Variants in GLRA3 observed in about 807,000 individuals in gnomAD.
GLRA3 encodes glycine receptor subunit alpha-3.
Under a neutral mutation model 60.4 loss-of-function variants are expected in GLRA3, and 44 were observed. That is an observed-to-expected ratio of 0.73 (90% CI 0.57 to 0.94). GLRA3 has a LOEUF of 0.94. Ranked by LOEUF, GLRA3 falls within the 40% of genes least tolerant of loss-of-function variation. The probability of loss-of-function intolerance (pLI) is 0.00; values close to 1 mark genes in which losing one functional copy is unlikely to be tolerated. For missense variants in GLRA3, 508 were observed against 564.6 expected, an observed-to-expected ratio of 0.90 and a Z score of 1.02; for synonymous variants, 223 against 192.9, an observed-to-expected ratio of 1.16 and a Z score of -1.29.
intron 6 of GLRA3, among the ~76,000 whole-genome samples, chr4:174,680,169 A>T (rs1462283566): frequency 6.6e-6 from 1 of 152,176 alleles, no homozygotes; most frequent in Non-Finnish European, 1.5e-5. Context: ...TTTTTATAAT[A>T]TTGCTGGGAA....
intron 5 of GLRA3, among the ~76,000 whole-genome samples, chr4:174,689,756 T>TA (rs553306775): frequency 0.013 from 499 of 39,532 alleles, 92 homozygotes; most frequent in Middle Eastern, 0.028. Context: ...TAAGTCGCAT[T>TA]AAAAAAAAAA....
At chr4:174,763,215 C>G (rs896655132) in intron 3 of GLRA3, among the ~76,000 whole-genome samples, 1 of 152,132 alleles carries the variant, frequency 6.6e-6, no homozygotes, top group Non-Finnish European at 1.5e-5. Flanking sequence ...GTCTGGCAAG[C>G]CAGGCTGCAG....
chr4:174,783,790 GA>G (rs1176447725), intron 2 of GLRA3, among the ~76,000 whole-genome samples: 1 of 151,474 alleles, frequency 6.6e-6, no homozygotes, highest in African/African-American at 2.4e-5. Context: ...ACACCAGTTA[GA>G]GTGGCAATCA....
intron 5 of GLRA3, among the ~76,000 whole-genome samples, chr4:174,703,012 G>T (rs1735382826): frequency 6.6e-6 from 1 of 152,014 alleles, no homozygotes; most frequent in African/African-American, 2.4e-5. Context: ...CTAACACTTG[G>T]GCAAGGTTTT....
At chr4:174,752,300 A>G (rs1175565508) in intron 3 of GLRA3, among the ~76,000 whole-genome samples, 2 of 152,126 alleles carry the variant, frequency 1.3e-5, no homozygotes, top group African/African-American at 4.8e-5. Context: ...GCTCATAGGG[A>G]GAAACAGTGA....
chr4:174,660,498 A>G (rs996157472), intron 7 of GLRA3, among the ~76,000 whole-genome samples: 1 of 152,130 alleles, frequency 6.6e-6, no homozygotes, highest in Non-Finnish European at 1.5e-5. Context: ...ACAGTGCATC[A>G]TATCAGGAGG....
At chr4:174,645,134 C>T (rs928887742) in intron 9 of GLRA3, among the ~76,000 whole-genome samples, 2 of 152,014 alleles carry the variant, frequency 1.3e-5, no homozygotes, top group African/African-American at 2.4e-5. Flanking sequence ...AAATTATGGG[C>T]TGGGCATAGT....
At chr4:174,796,597 C>T (rs1246018326) in intron 1 of GLRA3, among the ~76,000 whole-genome samples, 2 of 151,544 alleles carry the variant, frequency 1.3e-5, no homozygotes, top group South Asian at 2.1e-4. Context: ...AGTGCAGAGG[C>T]GCGATCTTGG....
At chr4:174,827,497 T>C (rs1364189264) in intron 1 of GLRA3, among the ~76,000 whole-genome samples, 1 of 151,776 alleles carries the variant, frequency 6.6e-6, no homozygotes, top group East Asian at 1.9e-4. Context: ...TACATAATAA[T>C]TTCAGAAATA....
chr4:174,706,164 A>T (rs1413352805), intron 5 of GLRA3, among the ~76,000 whole-genome samples: 1 of 151,816 alleles, frequency 6.6e-6, no homozygotes, highest in East Asian at 1.9e-4. Context: ...CGGGAGGCAG[A>T]GCTTGCAGTG....
chr4:174,665,916 G>A (rs1733648909), intron 7 of GLRA3, among the ~76,000 whole-genome samples: 1 of 152,068 alleles, frequency 6.6e-6, no homozygotes, highest in Admixed American at 6.6e-5. Flanking sequence ...TCATACAGTA[G>A]TGTTCATATG....
At chr4:174,652,671 C>T (rs926218835) in intron 9 of GLRA3, among the ~76,000 whole-genome samples, 1 of 151,980 alleles carries the variant, frequency 6.6e-6, no homozygotes, top group Admixed American at 6.6e-5. Flanking sequence ...ATGCCAAGCA[C>T]TGATTCATAT....
At chr4:174,805,823 T>C (rs1740026841) in intron 1 of GLRA3, among the ~76,000 whole-genome samples, 3 of 152,188 alleles carry the variant, frequency 2.0e-5, no homozygotes, top group Admixed American at 2.0e-4. Flanking sequence ...AGTTGGGTCT[T>C]CAAGAGGATA....
intron 3 of GLRA3, among the ~76,000 whole-genome samples, chr4:174,761,492 T>C (rs151291543): frequency 1.3e-3 from 203 of 152,282 alleles, no homozygotes; most frequent in African/African-American, 4.6e-3. Flanking sequence ...TGAAAAACTA[T>C]TAACCCAAAA....
At chr4:174,692,181 A>G (rs1734853223) in intron 5 of GLRA3, among the ~76,000 whole-genome samples, 1 of 151,322 alleles carries the variant, frequency 6.6e-6, no homozygotes, top group South Asian at 2.1e-4. Context: ...GGAAGTGAGG[A>G]GCGTCTCCAC....
intron 1 of GLRA3, among the ~76,000 whole-genome samples, chr4:174,800,723 C>G (rs963536128): frequency 2.6e-5 from 4 of 152,064 alleles, no homozygotes; most frequent in African/African-American, 9.7e-5. Context: ...TGTATATAGA[C>G]AGTGCCTAGC....
intron 6 of GLRA3, among the ~76,000 whole-genome samples, chr4:174,679,384 C>A (rs1734253287): frequency 6.6e-6 from 1 of 151,904 alleles, no homozygotes; most frequent in East Asian, 1.9e-4. Context: ...TAACTATTAT[C>A]AAAAAGGCAG....
chr4:174,697,418 A>G (rs1440027286), intron 5 of GLRA3, among the ~76,000 whole-genome samples: 1 of 152,206 alleles, frequency 6.6e-6, no homozygotes, highest in African/African-American at 2.4e-5. Context: ...TGCTAGGAGA[A>G]ATATTGCTCA....
chr4:174,677,745 T>G (rs1285728584), intron 6 of GLRA3, among the ~76,000 whole-genome samples: 1 of 152,170 alleles, frequency 6.6e-6, no homozygotes, highest in Non-Finnish European at 1.5e-5. Context: ...AAAAAATATT[T>G]TTCACTGTTA....
Sources: allele counts gnomAD v4.1 joint callset (sites outside exome capture counted in the v4.1 genomes callset), GRCh38; gene constraint gnomAD v4.1.1; transcripts MANE v1.5; gene names NCBI Gene and HGNC (gene_info 2026-07-23, HGNC 2026-07-21).